RASGRF2: variants seen among roughly 807,000 people sequenced by gnomAD.
RASGRF2 encodes the protein Ras protein specific guanine nucleotide releasing factor 2.
In RASGRF2, 76 loss-of-function variants were observed where a neutral mutation model predicts 151.0. That is an observed-to-expected ratio of 0.50 (90% CI 0.42 to 0.61). RASGRF2 has a LOEUF of 0.61. RASGRF2 is among the 20% of genes least tolerant of loss of function. The pLI is 0.00. For synonymous variants in RASGRF2, 504 were observed against 566.5 expected, an observed-to-expected ratio of 0.89 and a Z score of 1.57; for missense variants, 1,148 against 1,564.6, an observed-to-expected ratio of 0.73 and a Z score of 4.49.
intron 12 of RASGRF2, among the ~76,000 whole-genome samples, chr5:81,100,908 T>C (rs1273727333): frequency 6.6e-6 from 1 of 152,224 alleles, no homozygotes; most frequent in Admixed American, 6.5e-5. Context: ...GTGGAAAATA[T>C]GGCAACACAG....
At chr5:81,060,329 G>A (rs574779107) in intron 2 of RASGRF2, among the ~76,000 whole-genome samples, 1 of 152,144 alleles carries the variant, frequency 6.6e-6, no homozygotes, top group African/African-American at 2.4e-5. Flanking sequence ...TGCACATACT[G>A]TTCCCTGGGC....
At chr5:81,193,745 G>A (rs1238404939) in intron 18 of RASGRF2, among the ~76,000 whole-genome samples, 1 of 152,076 alleles carries the variant, frequency 6.6e-6, no homozygotes, top group East Asian at 1.9e-4. Context: ...TTGAACTCCT[G>A]ACCTCAGGTA....
intron 18 of RASGRF2, among the ~76,000 whole-genome samples, chr5:81,198,195 G>A (rs1336448206): frequency 1.3e-5 from 2 of 151,754 alleles, no homozygotes; most frequent in African/African-American, 2.4e-5. Flanking sequence ...TGAGATTTGG[G>A]CTTTATTGAT....
At chr5:81,101,425 A>G (rs1435134780) in intron 12 of RASGRF2, among the ~76,000 whole-genome samples, 1 of 152,148 alleles carries the variant, frequency 6.6e-6, no homozygotes, top group Non-Finnish European at 1.5e-5. Flanking sequence ...GTAAGATAAA[A>G]GCAAAATTCT....
chr5:81,136,256 T>A (rs897890375), intron 17 of RASGRF2, among the ~76,000 whole-genome samples: 14 of 152,230 alleles, frequency 9.2e-5, no homozygotes, highest in Middle Eastern at 3.2e-3. Context: ...TTTATATAGA[T>A]CCAAGTTTCT....
intron 1 of RASGRF2, among the ~76,000 whole-genome samples, chr5:81,036,273 G>A (rs979737199): frequency 6.6e-6 from 1 of 151,962 alleles, no homozygotes; most frequent in Non-Finnish European, 1.5e-5. Flanking sequence ...AGTCATTGCA[G>A]ATTTAGCTCT....
intron 2 of RASGRF2, among the ~76,000 whole-genome samples, chr5:81,055,794 G>A (rs1751186023): frequency 6.6e-6 from 1 of 152,110 alleles, no homozygotes; most frequent in African/African-American, 2.4e-5. Context: ...ATTAATTATT[G>A]CCTCAAATTC....
At chr5:81,193,331 G>A (rs1755189679) in intron 18 of RASGRF2, among the ~76,000 whole-genome samples, 3 of 152,116 alleles carry the variant, frequency 2.0e-5, no homozygotes. Context: ...TTTTTCTGGT[G>A]TATGATCTAG....
intron 17 of RASGRF2, among the ~76,000 whole-genome samples, chr5:81,157,795 C>G (rs1402303846): frequency 6.6e-6 from 1 of 152,184 alleles, no homozygotes; most frequent in Non-Finnish European, 1.5e-5. Flanking sequence ...AGAACTCACT[C>G]ACTATCACGA....
intron 1 of RASGRF2, among the ~76,000 whole-genome samples, chr5:80,986,188 T>C (rs140303540): frequency 6.6e-6 from 1 of 152,350 alleles, no homozygotes; most frequent in Non-Finnish European, 1.5e-5. Flanking sequence ...AATTTAGGTA[T>C]AGCTTCAGCT....
At chr5:80,969,815 CTTTTT>C (rs10584906) in intron 1 of RASGRF2, among the ~76,000 whole-genome samples, 65 of 76,940 alleles carry the variant, frequency 8.4e-4, no homozygotes, top group African/African-American at 4.1e-3. Flanking sequence ...ACTTCTTCTT[CTTTTT>C]TTTTTTTTTT....
At chr5:81,040,279 G>A (rs772984460) in intron 1 of RASGRF2, among the ~76,000 whole-genome samples, 6 of 152,122 alleles carry the variant, frequency 3.9e-5, no homozygotes, top group East Asian at 1.9e-4. Flanking sequence ...AAAGTGGTGC[G>A]ATTACAGGTG....
chr5:81,026,077 C>G, intron 1 of RASGRF2, among the ~76,000 whole-genome samples: 1 of 145,598 alleles, frequency 6.9e-6, no homozygotes, highest in Non-Finnish European at 1.5e-5. Flanking sequence ...TCCTCTCTCC[C>G]TCCCTTCCTT....
intron 17 of RASGRF2, among the ~76,000 whole-genome samples, chr5:81,172,434 CGTGTGT>C (rs57957668): frequency 0.47 from 67,903 of 145,428 alleles, 15,548 homozygotes; most frequent in East Asian, 0.64. Context: ...CAAGGATGTG[CGTGTGT>C]GTGTGTGTGT....
intron 3 of RASGRF2, among the ~76,000 whole-genome samples, chr5:81,068,782 G>A (rs1561589845): frequency 2.0e-5 from 3 of 152,090 alleles, no homozygotes; most frequent in Non-Finnish European, 4.4e-5. Context: ...CCCAGTGTGA[G>A]CAGAAGGCGG....
intron 17 of RASGRF2, among the ~76,000 whole-genome samples, chr5:81,134,113 T>TGTGA (rs1429600235): frequency 3.3e-5 from 5 of 150,756 alleles, no homozygotes; most frequent in African/African-American, 1.2e-4. Flanking sequence ...TGTGTGTGAG[T>TGTGA]GAATATTTTA....
chr5:81,185,566 C>T (rs1279259095), intron 18 of RASGRF2, among the ~76,000 whole-genome samples: 2 of 152,144 alleles, frequency 1.3e-5, no homozygotes, highest in Non-Finnish European at 2.9e-5. Flanking sequence ...ACAGAGAGGT[C>T]TCCAAAATCT....
chr5:80,980,727 T>C (rs1748271599), intron 1 of RASGRF2, among the ~76,000 whole-genome samples: 1 of 152,194 alleles, frequency 6.6e-6, no homozygotes, highest in African/African-American at 2.4e-5. Context: ...ACTTACACCC[T>C]TTGTGAATTG....
intron 22 of RASGRF2, among the ~76,000 whole-genome samples, chr5:81,211,084 C>A (rs186126094): frequency 2.0e-5 from 3 of 148,156 alleles, no homozygotes; most frequent in Admixed American, 1.4e-4. Context: ...ATCGAGGCTC[C>A]GGTGAGCTGT....
Sources: gnomAD v4.1 joint callset for allele counts (sites outside exome capture counted in the v4.1 genomes callset) on GRCh38, gnomAD v4.1.1 for gene constraint, MANE v1.5 for transcripts, NCBI Gene and HGNC (gene_info 2026-07-23, HGNC 2026-07-21) for gene names.